The following MTUS2 variants were observed in gnomAD, a reference collection of about 807,000 sequenced individuals.
The protein encoded by MTUS2 is microtubule-associated tumor suppressor candidate 2.
A neutral mutation model predicts 114.1 loss-of-function variants in MTUS2; 40 were observed. The observed-to-expected ratio is 0.35, with a 90% confidence interval of 0.27 to 0.46. The LOEUF (loss-of-function observed/expected upper bound fraction) is 0.46, where lower values mean the gene tolerates loss of function less well. Ranked by LOEUF, MTUS2 falls within the 20% of genes least tolerant of loss-of-function variation. The pLI, the probability that MTUS2 is intolerant of heterozygous loss-of-function variation, is 1.00. For missense variants in MTUS2, 1,679 were observed against 1,705.4 expected (o/e 0.98, Z 0.27); for synonymous variants, 688 against 672.0 (o/e 1.02, Z -0.37).
At chr13:29,481,621 C>T (rs577090499) in intron 10 of MTUS2, among the ~76,000 whole-genome samples, 5 of 152,314 alleles carry the variant, frequency 3.3e-5, no homozygotes, top group Admixed American at 1.3e-4. Context: ...ATGGACATCT[C>T]AGACGACAAT....
intron 7 of MTUS2, among the ~76,000 whole-genome samples, chr13:29,342,966 G>C (rs11842756): frequency 0.078 from 11,870 of 152,056 alleles, 1,488 homozygotes; most frequent in African/African-American, 0.26. Context: ...CACATTTATT[G>C]ACTTGCATAT....
chr13:29,233,109 T>G (rs1455219362), intron 5 of MTUS2, among the ~76,000 whole-genome samples: 1 of 152,220 alleles, frequency 6.6e-6, no homozygotes, highest in Non-Finnish European at 1.5e-5. Context: ...GGCCTTACTG[T>G]TGCCTTTTTG....
chr13:29,359,246 G>A lies in MTUS2; in HGVS notation c.2906-16G>A, dbSNP rs1175171685. On this transcript the variant is annotated splice_polypyrimidine_tract_variant and intron_variant, in intron 7 of 15. Coordinates refer to ENST00000612955, the MANE Select transcript of MTUS2 (RefSeq NM_001033602.4). ...TTTTTTCACAGGTGACCGGGGTTTG[G>A]TTTTCTTTCTCACAGGATACCCAAA... 3 of 1,578,246 alleles carry A rather than the reference G, an allele frequency of 1.9e-6. No individual in the cohort carries two copies. Among genetic ancestry groups the A allele is most frequent in the Non-Finnish European group, 2.6e-6 (3 of 1,161,314 alleles).
In MTUS2 at chr13:29,192,846, C is replaced by T. The variant is rs763337794; in HGVS notation, c.2645-88858C>T. Among the ~76,000 whole-genome samples the T allele has an allele frequency of 3.2e-4, 48 of 152,196 alleles. 1 individual carries two copies. The highest frequency in any genetic ancestry group is 2.1e-4 in the Non-Finnish European group (14 of 68,018). ...TCCAAGGCCACGATCAGGTTGCCTG[C>T]GTTATACCTGGGAACAGCACTCTAT... On this transcript the variant is annotated intron_variant, in intron 5 of 15. Coordinates refer to ENST00000612955, the MANE Select transcript of MTUS2 (RefSeq NM_001033602.4).
chr13:29,138,693 G>T (rs1892088402), intron 5 of MTUS2, among the ~76,000 whole-genome samples: 1 of 150,660 alleles, frequency 6.6e-6, no homozygotes, highest in Admixed American at 6.6e-5. Flanking sequence ...ATTGAATTGT[G>T]TTTTTTATAT....
chr13:28,866,822 C>G (rs1416558385), intron 2 of MTUS2, among the ~76,000 whole-genome samples: 1 of 151,972 alleles, frequency 6.6e-6, no homozygotes, highest in Non-Finnish European at 1.5e-5. Context: ...GTCTACCATA[C>G]CTGCATTTTA....
At chr13:28,844,493 G>C (rs1875727675) in intron 2 of MTUS2, among the ~76,000 whole-genome samples, 1 of 151,844 alleles carries the variant, frequency 6.6e-6, no homozygotes, top group African/African-American at 2.4e-5. Context: ...CAGGATAGGA[G>C]AAAGGCCTTT....
intron 2 of MTUS2, among the ~76,000 whole-genome samples, chr13:28,978,084 A>G (rs1884196605): frequency 6.6e-6 from 1 of 152,232 alleles, no homozygotes; most frequent in Admixed American, 6.5e-5. Flanking sequence ...GCCAAATTAA[A>G]GAACTGTATT....
At chr13:29,338,526 G>T (rs370056606) in intron 7 of MTUS2, among the ~76,000 whole-genome samples, 77 of 152,240 alleles carry the variant, frequency 5.1e-4, no homozygotes, top group African/African-American at 1.8e-3. Context: ...GGAGGCGGAG[G>T]TTGCAGTGAG....
At chr13:29,225,154 C>G (rs940504761) in intron 5 of MTUS2, among the ~76,000 whole-genome samples, 1 of 152,228 alleles carries the variant, frequency 6.6e-6, no homozygotes, top group South Asian at 2.1e-4. Flanking sequence ...CCTGTAGGAG[C>G]CTGCCTGCAG....
chr13:29,236,567 G>A (rs1236580407), intron 5 of MTUS2, among the ~76,000 whole-genome samples: 1 of 152,198 alleles, frequency 6.6e-6, no homozygotes, highest in African/African-American at 2.4e-5. Flanking sequence ...ATTTTAATGG[G>A]CAAGCCCAAA....
intron 2 of MTUS2, among the ~76,000 whole-genome samples, chr13:28,965,091 G>C (rs998102922): frequency 1.9e-4 from 29 of 152,122 alleles, no homozygotes; most frequent in Non-Finnish European, 3.7e-4. Context: ...GTTTTAACCC[G>C]TGTTGTCATA....
At chr13:29,429,655 C>T (rs1045566399) in intron 8 of MTUS2, among the ~76,000 whole-genome samples, 2 of 152,192 alleles carry the variant, frequency 1.3e-5, no homozygotes, top group Admixed American at 1.3e-4. Context: ...AATCTGTTGG[C>T]AAGAACTCTT....
intron 8 of MTUS2, among the ~76,000 whole-genome samples, chr13:29,395,954 A>G (rs1873884310): frequency 6.6e-6 from 1 of 152,192 alleles, no homozygotes. Flanking sequence ...TTGAAATGAA[A>G]TAACACTGAG....
intron 4 of MTUS2, among the ~76,000 whole-genome samples, chr13:29,056,131 C>T (rs147949021): frequency 5.2e-4 from 79 of 151,886 alleles, no homozygotes; most frequent in Non-Finnish European, 7.7e-4. Context: ...AAATCTTTGC[C>T]AGGTCCTATG....
rs755722671 is a variant in MTUS2 at position 29,025,196 on chromosome 13, C to A, written c.498C>A (p.Thr166=). 82 of 1,613,790 alleles carry A rather than the reference C, an allele frequency of 5.1e-5. No homozygotes were observed. The highest frequency in any genetic ancestry group is 6.4e-5 in the Non-Finnish European group (76 of 1,179,888). ...TTCCCAAGGATAAACTGGCAAAGACCCTTGACAATGAGGAACTGAGGAGGC... is the reference window on the plus strand; with the variant it reads ...TTCCCAAGGATAAACTGGCAAAGACACTTGACAATGAGGAACTGAGGAGGC... ...RHVPKDKLAK[T]LDNEELRRHS... The change falls in exon 3 of 16, where the codon ACC becomes ACA. Residue 166 remains threonine, a synonymous_variant. Transcript: ENST00000612955.
chr13:29,064,811 C>T (rs1355741346), intron 4 of MTUS2, among the ~76,000 whole-genome samples: 1 of 152,072 alleles, frequency 6.6e-6, no homozygotes, highest in East Asian at 1.9e-4. Flanking sequence ...GCTCCAGTGT[C>T]TGCTTCTCTC....
intron 8 of MTUS2, among the ~76,000 whole-genome samples, chr13:29,364,591 TA>T (rs2138258002): frequency 6.6e-6 from 1 of 152,306 alleles, no homozygotes; most frequent in African/African-American, 2.4e-5. Context: ...GAGACAGCAG[TA>T]GAACCCCTTT....
rs374323052 is a variant in MTUS2 at position 28,881,311 on chromosome 13, C to A, written c.-243+41461C>A. On this transcript the variant is annotated intron_variant, in intron 2 of 15. Transcript: ENST00000612955. ...TTGCTGCAAAGGACATTAGTCCGTT[C>A]TTTTTAGTGGCTGCATAGTATTCCA... Among the ~76,000 whole-genome samples, 7 of 152,170 alleles carry A rather than the reference C, an allele frequency of 4.6e-5. 1 individual carries two copies. In the East Asian group the frequency reaches 1.4e-3, roughly 29 times the overall value.
Sources: allele counts gnomAD v4.1 joint callset (sites outside exome capture counted in the v4.1 genomes callset), GRCh38; gene constraint gnomAD v4.1.1; transcripts MANE v1.5; gene names NCBI Gene and HGNC (gene_info 2026-07-23, HGNC 2026-07-21).